LUZP2: variants seen among roughly 807,000 people sequenced by gnomAD.
LUZP2 encodes leucine zipper protein 2.
A neutral mutation model predicts 51.6 loss-of-function variants in LUZP2; 52 were observed. That is an observed-to-expected ratio of 1.01 (90% CI 0.81 to 1.27). LUZP2 has a LOEUF of 1.27. Ranked by LOEUF, LUZP2 falls within the 50% of genes most tolerant of loss-of-function variation. LUZP2 has a pLI of 0.00. For missense variants in LUZP2, 436 were observed against 395.4 expected, an observed-to-expected ratio of 1.10 and a Z score of -0.87; for synonymous variants, 154 against 137.3, an observed-to-expected ratio of 1.12 and a Z score of -0.85.
At chr11:25,025,352 A>G (rs1248229845) in intron 9 of LUZP2, among the ~76,000 whole-genome samples, 1 of 152,186 alleles carries the variant, frequency 6.6e-6, no homozygotes, top group Admixed American at 6.6e-5. Flanking sequence ...CATCAGAGTG[A>G]CAAGCAACCT....
At chr11:24,652,783 G>T (rs1477844595) in intron 1 of LUZP2, among the ~76,000 whole-genome samples, 1 of 151,950 alleles carries the variant, frequency 6.6e-6, no homozygotes, top group Non-Finnish European at 1.5e-5. Flanking sequence ...TTTATGTTTT[G>T]AATGATGCTG....
intron 7 of LUZP2, among the ~76,000 whole-genome samples, chr11:24,965,717 G>A (rs920395103): frequency 1.3e-5 from 2 of 151,696 alleles, no homozygotes; most frequent in African/African-American, 4.8e-5. Context: ...AGAGTTTAAA[G>A]AAGGAACAAT....
chr11:24,740,094 C>T (rs1197849178), intron 4 of LUZP2, among the ~76,000 whole-genome samples: 1 of 152,096 alleles, frequency 6.6e-6, no homozygotes, highest in African/African-American at 2.4e-5. Context: ...TAATGACAAA[C>T]AATGGTAGAG....
chr11:24,931,273 A>AT lies in LUZP2; in HGVS notation c.522+16735_522+16736insT, dbSNP rs1212767853. On this transcript the variant is annotated intron_variant, in intron 7 of 11. Coordinates refer to ENST00000336930, the MANE Select transcript of LUZP2 (RefSeq NM_001009909.4). ...ATAAAATAAAATAAAATAAAATAAA[A>AT]AGTTCTTTTTTATTTATCTTTGTTG... 2.4e-3 allele frequency among the ~76,000 whole-genome samples: 344 copies of AT among 145,618 alleles called. 2 individuals are homozygous for AT. Among genetic ancestry groups the AT allele is most frequent in the African/African-American group, 8.1e-3 (322 of 39,670 alleles).
intron 1 of LUZP2, among the ~76,000 whole-genome samples, chr11:24,706,951 G>A (rs569648201): frequency 6.7e-6 from 1 of 149,880 alleles, no homozygotes; most frequent in South Asian, 2.1e-4. Flanking sequence ...TGTGATCTGG[G>A]GTTCATCTTT....
At chr11:24,786,375 T>C (rs1224333559) in intron 5 of LUZP2, 1 of 982,580 alleles carries the variant, frequency 1.0e-6, no homozygotes, top group East Asian at 1.1e-4. Flanking sequence ...CTGACCCTTC[T>C]ATATAAATAA....
At chr11:25,035,518 T>C (rs1352388767) in intron 9 of LUZP2, among the ~76,000 whole-genome samples, 2 of 151,806 alleles carry the variant, frequency 1.3e-5, no homozygotes, top group Non-Finnish European at 2.9e-5. Context: ...TACAAAACAC[T>C]GATGAAAAAA....
At chr11:24,862,374 G>T (rs1264027860) in intron 5 of LUZP2, among the ~76,000 whole-genome samples, 1 of 152,164 alleles carries the variant, frequency 6.6e-6, no homozygotes, top group Non-Finnish European at 1.5e-5. Context: ...CACCAGGCAT[G>T]CCCTGCAAGA....
At chr11:24,717,897 A>G (rs1858116884) in intron 1 of LUZP2, among the ~76,000 whole-genome samples, 1 of 152,172 alleles carries the variant, frequency 6.6e-6, no homozygotes, top group Admixed American at 6.5e-5. Context: ...CTCCAGCTCC[A>G]TCCAAGTTCC....
chr11:24,777,161 T>C (rs1848955193), intron 5 of LUZP2, among the ~76,000 whole-genome samples: 1 of 151,832 alleles, frequency 6.6e-6, no homozygotes, highest in Non-Finnish European at 1.5e-5. Context: ...GCCTGGCTAA[T>C]TTTTTGTATT....
chr11:24,828,558 G>A (rs1181856391), intron 5 of LUZP2, among the ~76,000 whole-genome samples: 43 of 134,974 alleles, frequency 3.2e-4, no homozygotes, highest in Non-Finnish European at 3.0e-4. Flanking sequence ...CCCTGTGGCA[G>A]AAAAAAAAAA....
At chr11:24,732,271 AATATAT>A (rs1443545622) in intron 3 of LUZP2, 83 bp downstream of exon 3, 1 of 974,568 alleles carries the variant, frequency 1.0e-6, no homozygotes, top group Non-Finnish European at 1.5e-6. Context: ...ATTGATTCTA[AATATAT>A]GAACCTATTT....
intron 10 of LUZP2, among the ~76,000 whole-genome samples, chr11:25,076,105 C>T (rs1346828166): frequency 1.3e-5 from 2 of 152,088 alleles, no homozygotes; most frequent in African/African-American, 2.4e-5. Flanking sequence ...CTCAACCTCC[C>T]GGGCACTTCA....
intron 1 of LUZP2, among the ~76,000 whole-genome samples, chr11:24,543,217 T>G (rs1478345874): frequency 1.3e-5 from 2 of 152,074 alleles, no homozygotes; most frequent in African/African-American, 4.8e-5. Context: ...TTTGGTTTAT[T>G]TAAAATATAA....
intron 1 of LUZP2, among the ~76,000 whole-genome samples, chr11:24,654,790 G>C (rs867561596): frequency 1.3e-5 from 2 of 151,724 alleles, no homozygotes; most frequent in African/African-American, 4.8e-5. Flanking sequence ...CTCCAAAAGT[G>C]CTGGGATTAC....
rs918033172 is a variant in LUZP2, at chr11:24,898,676, C to G, written c.397-7315C>G. Among the ~76,000 whole-genome samples, 3 of 150,580 alleles carry G rather than the reference C, an allele frequency of 2.0e-5. No homozygotes were observed. The South Asian group carries it at 6.3e-4, about 32-fold the overall frequency. Reference sequence around the variant, plus strand: ...AAAACCAGGGTGGGTCAGAGTGGTGCGCATATACATATAAAACGTGACAAT... The same window carrying G: ...AAAACCAGGGTGGGTCAGAGTGGTGGGCATATACATATAAAACGTGACAAT... On this transcript the variant is annotated intron_variant, in intron 5 of 11. Coordinates refer to ENST00000336930, the MANE Select transcript of LUZP2 (RefSeq NM_001009909.4).
intron 1 of LUZP2, among the ~76,000 whole-genome samples, chr11:24,663,502 A>T (rs1856094169): frequency 6.6e-6 from 1 of 152,200 alleles, no homozygotes; most frequent in South Asian, 2.1e-4. Context: ...TGTGAGAATG[A>T]CTAATACAAT....
At chr11:25,041,176 T>C (rs566900266) in intron 9 of LUZP2, among the ~76,000 whole-genome samples, 138 of 152,280 alleles carry the variant, frequency 9.1e-4, no homozygotes, top group African/African-American at 3.1e-3. Flanking sequence ...TCCAAGACCT[T>C]GACTGGATGC....
At chr11:24,887,941 A>C (rs1852726234) in intron 5 of LUZP2, among the ~76,000 whole-genome samples, 1 of 152,084 alleles carries the variant, frequency 6.6e-6, no homozygotes, top group African/African-American at 2.4e-5. Flanking sequence ...GCTGCAGGTG[A>C]TTTTCTCTTG....
Sources: allele counts gnomAD v4.1 joint callset (sites outside exome capture counted in the v4.1 genomes callset), GRCh38; gene constraint gnomAD v4.1.1; transcripts MANE v1.5; gene names NCBI Gene and HGNC (gene_info 2026-07-23, HGNC 2026-07-21).